The following POLE variants were observed in gnomAD, a reference collection of about 807,000 sequenced individuals.
POLE encodes the protein DNA polymerase epsilon, catalytic subunit, also known as DNA polymerase epsilon catalytic subunit A.
POLE carries 188 observed loss-of-function variants against 279.2 expected under a neutral mutation model. The observed-to-expected ratio is 0.67, with a 90% confidence interval of 0.60 to 0.76. POLE has a LOEUF of 0.76. POLE is among the 30% of genes least tolerant of loss of function. POLE has a pLI of 0.00. For missense variants in POLE, 2,703 were observed against 3,016.7 expected, an observed-to-expected ratio of 0.90 and a Z score of 2.44; for synonymous variants, 1,214 against 1,172.5, an observed-to-expected ratio of 1.04 and a Z score of -0.72.
intron 29 of POLE, among the ~76,000 whole-genome samples, chr12:132,656,811 G>A (rs537497957): frequency 1.3e-5 from 2 of 152,264 alleles, no homozygotes; most frequent in African/African-American, 4.8e-5. Flanking sequence ...TTTCCATAGG[G>A]AAGATATTCA....
chr12:132,680,379 C>T (rs1482130046), intron 3 of POLE, among the ~76,000 whole-genome samples, 157 bp from the exon 4 acceptor site: 1 of 152,206 alleles, frequency 6.6e-6, no homozygotes, highest in Middle Eastern at 3.2e-3. Context: ...GCACTTTTCA[C>T]AGGGGCAAGA....
Position 132,664,570 on chromosome 12 carries a change from G to A in POLE, c.2469-108C>T. 1 of 814,166 alleles carries A rather than the reference G, an allele frequency of 1.2e-6. No homozygotes were observed. Among genetic ancestry groups the A allele is most frequent in the Non-Finnish European group, 2.1e-6 (1 of 483,790 alleles). 50.4% of individuals were successfully genotyped at this position (814,166 alleles called of 1,614,324 possible). On this transcript the variant is annotated intron_variant, in intron 21 of 48. Transcript: ENST00000320574. This position sits in a 1 kb window ranked among gnomAD's most constrained non-coding sequence, Gnocchi z 5.3. ...GAAAGGAGAGATGCGACAGGGACAA[G>A]GGAAGCAGCCAAATGTGCGTGCACC...
At chr12:132,641,248 C>T (rs544245281) in intron 39 of POLE, 3 of 371,214 alleles carry the variant, frequency 8.1e-6, no homozygotes, top group African/African-American at 4.2e-5. Context: ...AGACTGATGG[C>T]TCCTGACCCT....
chr12:132,680,611 A>T lies in POLE; in HGVS notation c.281T>A (p.Phe94Tyr), dbSNP rs764965782. The change falls in exon 3 of 49, where the codon TTT becomes TAT. Residue 94 changes from phenylalanine (F) to tyrosine (Y), a missense_variant. By Grantham distance (22) the Phe-to-Tyr change is conservative. Transcript: ENST00000320574. ...YYFIQDDGSRFKVALPYKPYF... is the reference protein window; with the variant it reads ...YYFIQDDGSRYKVALPYKPYF... ...TTGTCGCAGTCAGGGGCTTACCTTA[A>T]ATCTGCTTCCGTCATCTTGAATAAA... 4 of 1,613,056 alleles carry T rather than the reference A, an allele frequency of 2.5e-6. No homozygotes were observed. In the South Asian group the frequency reaches 4.4e-5, roughly 18 times the overall value.
At chr12:132,681,069 A>G (rs1254917185) in intron 2 of POLE, 69 bp downstream of exon 2, 5 of 1,570,050 alleles carry the variant, frequency 3.2e-6, no homozygotes, top group Non-Finnish European at 4.3e-6. Flanking sequence ...CACTCTTTAG[A>G]TAAGGACCAC....
At position 132,665,319 on chromosome 12, in the gene POLE, G is replaced by A. The variant is rs1415790445; in HGVS notation, c.2451C>T (p.Gly817=). The A allele has an allele frequency of 6.2e-7, 1 of 1,613,594 alleles. No individual in the cohort carries two copies. The highest frequency in any genetic ancestry group is 1.7e-5 in the Admixed American group (1 of 59,976). The change falls in exon 21 of 49, where the codon GGC becomes GGT. Residue 817 remains glycine, a synonymous_variant. Transcript: ENST00000320574. ...AHKCILNSFY[G]YVMRKGARWY... is the part of the protein sequence containing the mutation. The stretch of plus-strand genomic sequence containing the variant: ...CCACCTACCCCTTGCGCATGACATA[G>A]CCATAGAAGGAGTTCAGGATGCACT...
chr12:132,648,826 C>T (rs2042346313), intron 32 of POLE, 103 bp downstream of exon 32: 3 of 1,243,928 alleles, frequency 2.4e-6, no homozygotes, highest in Non-Finnish European at 3.4e-6. Flanking sequence ...AGAACATCCC[C>T]ATAAGGTACT....
Position 132,638,034 on chromosome 12 carries a change from G to A in POLE, c.5658C>T (p.Tyr1886=), listed in dbSNP as rs369346799. Residue 1886 remains tyrosine, a synonymous_variant, in exon 41 of 49, where the codon TAC becomes TAT. Transcript: ENST00000320574. The part of the protein sequence containing the change: ...KKRRVEDAIA[Y]VEYITSSIHS... ...CGCACCTGCTGGTGATGTACTCCACGTAAGCGATGGCATCTTCCACACGGC... is the reference window on the plus strand; with the variant it reads ...CGCACCTGCTGGTGATGTACTCCACATAAGCGATGGCATCTTCCACACGGC... 8.1e-6 allele frequency: 13 copies of A among 1,613,876 alleles called. No homozygotes were observed. The highest frequency in any genetic ancestry group is 2.7e-5 in the African/African-American group (2 of 74,922).
intron 39 of POLE, chr12:132,641,200 G>A (rs2138520098): frequency 2.6e-6 from 1 of 391,760 alleles, no homozygotes; most frequent in South Asian, 1.9e-5. Context: ...CACCGCTGGT[G>A]GGTAATGCGA....
chr12:132,644,012 C>A (rs551722762), intron 32 of POLE, 35 bp from the exon 33 acceptor site: 1 of 1,601,154 alleles, frequency 6.2e-7, no homozygotes. Flanking sequence ...CGTCACTGGG[C>A]GTAAGTGGTA....
chr12:132,675,178 C>T lies in POLE; in HGVS notation c.1226+220G>A, dbSNP rs2043016429. Among the ~76,000 whole-genome samples the T allele has an allele frequency of 6.6e-6, 1 of 152,204 alleles. No homozygotes were observed. The highest frequency in any genetic ancestry group is 1.5e-5 in the Non-Finnish European group (1 of 68,028). On this transcript the variant is annotated intron_variant, in intron 12 of 48. Coordinates refer to ENST00000320574, the MANE Select transcript of POLE (RefSeq NM_006231.4). The surrounding 1 kb of genome is among the most constrained non-coding windows in gnomAD (Gnocchi z 4.3). ...GGCTTCCCCACCCCAGAGGCTGATG[C>T]TCAATGTGCCTGGTCACTGATGAAT...
chr12:132,649,808 G>T lies in POLE; in HGVS notation c.3664C>A (p.His1222Asn). The change falls in exon 30 of 49, where the codon CAC (histidine) becomes AAC (asparagine). Residue 1222 changes from histidine (H) to asparagine (N), a missense_variant. Around this residue, in one of 5 missense-constraint regions of POLE, gnomAD observed 1,551 missense variants for 1,686.1 expected, o/e 0.92. Transcript: ENST00000320574. ...MEDFGLVKLP[H>N]PAAPVTVKRK... Reference sequence around the variant, plus strand: ...TTCACAGTGACAGGGGCTGCTGGGTGAGGCAGCTTTACGAGGCCGAAGTCC... The same window carrying T: ...TTCACAGTGACAGGGGCTGCTGGGTTAGGCAGCTTTACGAGGCCGAAGTCC... 6.2e-7 allele frequency: 1 copy of T among 1,614,180 alleles called. No individual in the cohort carries two copies. The highest frequency in any genetic ancestry group is 1.1e-5 in the South Asian group (1 of 91,080).
intron 16 of POLE, among the ~76,000 whole-genome samples, chr12:132,670,300 C>T (rs1399502389): frequency 2.0e-5 from 3 of 151,730 alleles, no homozygotes; most frequent in Admixed American, 6.6e-5. Flanking sequence ...CTCTTGAACC[C>T]AGGAGGCAGA....
At chr12:132,653,573 C>T (rs556362356) in intron 29 of POLE, among the ~76,000 whole-genome samples, 2 of 152,320 alleles carry the variant, frequency 1.3e-5, no homozygotes, top group South Asian at 4.1e-4. Flanking sequence ...TATAAGTTAA[C>T]ACAAAATCTA....
At position 132,686,940 on chromosome 12, in the gene POLE, C is replaced by T. The variant is rs1270022688; in HGVS notation, c.62+314G>A. Among the ~76,000 whole-genome samples the T allele has an allele frequency of 2.0e-5, 3 of 151,470 alleles. No individual in the cohort carries two copies. In the South Asian group the frequency reaches 6.3e-4, roughly 32 times the overall value. ...GGCCCGGGTCCCGCCGCTCTCATCG[C>T]CCCCGCCGCGCGGCAGGTCCCAAAC... On this transcript the variant is annotated intron_variant, in intron 1 of 48. Transcript: ENST00000320574.
In POLE at chr12:132,657,192, C is replaced by T. The variant is rs2042562476; in HGVS notation, c.3526G>A (p.Asp1176Asn). Residue 1176 changes from aspartate to asparagine, a missense_variant, in exon 29 of 49, where the codon GAT becomes AAT. Around this residue, in one of 5 missense-constraint regions of POLE, gnomAD observed 1,551 missense variants for 1,686.1 expected, o/e 0.92. Coordinates refer to ENST00000320574, the MANE Select transcript of POLE (RefSeq NM_006231.4). ...WLHKKLLEKNDVYKQKKISEL... is the reference protein window; with the variant it reads ...WLHKKLLEKNNVYKQKKISEL... ...CTGATCTTCTTCTGCTTGTAGACAT[C>T]ATTCTTCTCCAGCAGTTTTTTGTGC... 5 of 1,614,008 alleles carry T rather than the reference C, an allele frequency of 3.1e-6. No individual in the cohort carries two copies. Among genetic ancestry groups the T allele is most frequent in the Non-Finnish European group, 4.2e-6 (5 of 1,179,982 alleles).
At position 132,668,779 on chromosome 12, in the gene POLE, C is replaced by T; in HGVS notation, c.1923+32G>A. On this transcript the variant is annotated intron_variant, in intron 17 of 48. Coordinates refer to ENST00000320574, the MANE Select transcript of POLE (RefSeq NM_006231.4). This position sits in a 1 kb window ranked among gnomAD's most constrained non-coding sequence, Gnocchi z 4.0. Reference sequence around the variant, plus strand: ...AGCACTTAGGGCTGGGCAGAGAGAGCTCCGACTCTGACACGGGAAGTAAAG... The same window carrying T: ...AGCACTTAGGGCTGGGCAGAGAGAGTTCCGACTCTGACACGGGAAGTAAAG... 6.2e-7 allele frequency: 1 copy of T among 1,613,768 alleles called. No homozygotes were observed. The highest frequency in any genetic ancestry group is 1.1e-5 in the South Asian group (1 of 91,052).
rs538875477 is a variant in POLE at position 132,624,978 on chromosome 12, C to T, written c.6674G>A (p.Arg2225His). ...TLQDLVCLKC[R>H]GVKETSMPVY... ...AGGCATGCTGGTCTCCTTCACCCCG[C>T]GGCACTTCAGGCAGACCTGAAAGGG... The change falls in exon 48 of 49, where the codon CGC (arginine) becomes CAC (histidine). Residue 2225 changes from arginine (R) to histidine (H), a missense_variant. This residue lies in a region of POLE where 1,551 missense variants were observed against 1,686.1 expected (regional missense o/e 0.92). Transcript: ENST00000320574. 119 of 1,613,830 alleles carry T rather than the reference C, an allele frequency of 7.4e-5. No individual in the cohort carries two copies. The highest frequency in any genetic ancestry group is 2.0e-4 in the Admixed American group (12 of 60,026).
chr12:132,645,806 AC>A (rs1288072514), intron 32 of POLE, among the ~76,000 whole-genome samples: 1 of 146,576 alleles, frequency 6.8e-6, no homozygotes, highest in African/African-American at 2.5e-5. Flanking sequence ...ACACCCACAC[AC>A]ACACACACAA....
Sources: allele counts gnomAD v4.1 joint callset (sites outside exome capture counted in the v4.1 genomes callset), GRCh38; gene constraint gnomAD v4.1.1; regional missense constraint gnomAD v4.1.1; non-coding constraint Gnocchi (gnomAD v3.1); transcripts MANE v1.5; gene names NCBI Gene and HGNC (gene_info 2026-07-23, HGNC 2026-07-21).